Variants in KCNT2 observed in about 807,000 individuals in gnomAD.
The protein encoded by KCNT2 is potassium sodium-activated channel subfamily T member 2.
A neutral mutation model predicts 153.8 loss-of-function variants in KCNT2; 67 were observed. The ratio of observed to expected loss-of-function variants is 0.44; its 90% CI spans 0.36 to 0.53. KCNT2 has a LOEUF of 0.53. Among genes scored for constraint, KCNT2 ranks in the 20% least tolerant of loss-of-function variants. The pLI, the probability that KCNT2 is intolerant of heterozygous loss-of-function variation, is 0.00. For synonymous variants in KCNT2, 500 were observed against 458.8 expected, an observed-to-expected ratio of 1.09 and a Z score of -1.15; for missense variants, 975 against 1,354.8, an observed-to-expected ratio of 0.72 and a Z score of 4.40.
At chr1:196,572,291 T>A (rs1041539110) in intron 1 of KCNT2, among the ~76,000 whole-genome samples, 6 of 152,150 alleles carry the variant, frequency 3.9e-5, no homozygotes, top group Non-Finnish European at 7.4e-5. Flanking sequence ...TGGCATAAGA[T>A]CCTCCAGCTC....
chr1:196,334,909 G>T (rs972266423), intron 16 of KCNT2, among the ~76,000 whole-genome samples: 2 of 152,006 alleles, frequency 1.3e-5, no homozygotes, highest in African/African-American at 4.8e-5. Flanking sequence ...ATACAATAAG[G>T]AGCACACAAG....
intron 26 of KCNT2, among the ~76,000 whole-genome samples, chr1:196,256,162 G>A (rs1398544149): frequency 1.3e-5 from 2 of 151,776 alleles, no homozygotes; most frequent in African/African-American, 4.8e-5. Flanking sequence ...ATTATTCCAT[G>A]ATCATAAAGC....
intron 22 of KCNT2, among the ~76,000 whole-genome samples, chr1:196,304,957 C>T (rs1172975183): frequency 1.3e-5 from 2 of 152,090 alleles, no homozygotes; most frequent in Non-Finnish European, 2.9e-5. Context: ...TGAGTATACA[C>T]ATTTCTGTTG....
chr1:196,450,830 GTAAA>G (rs1676097065), intron 8 of KCNT2, among the ~76,000 whole-genome samples: 1 of 151,816 alleles, frequency 6.6e-6, no homozygotes, highest in African/African-American at 2.4e-5. Context: ...CTTCAAATAA[GTAAA>G]TAAAGCTTCT....
chr1:196,550,558 T>C (rs1396647561), intron 1 of KCNT2, among the ~76,000 whole-genome samples: 2 of 151,922 alleles, frequency 1.3e-5, no homozygotes, highest in Non-Finnish European at 2.9e-5. Flanking sequence ...TCTCTTATGT[T>C]AACATACAGG....
intron 1 of KCNT2, among the ~76,000 whole-genome samples, chr1:196,537,463 T>C (rs1655740236): frequency 6.6e-6 from 1 of 152,146 alleles, no homozygotes; most frequent in African/African-American, 2.4e-5. Context: ...CCAGAATGTA[T>C]CTGCACTATT....
At chr1:196,574,250 TG>T (rs1007234563) in intron 1 of KCNT2, among the ~76,000 whole-genome samples, 10 of 151,982 alleles carry the variant, frequency 6.6e-5, no homozygotes, top group African/African-American at 2.4e-4. Flanking sequence ...TGAAATTTTG[TG>T]TCTTATTGTA....
intron 14 of KCNT2, among the ~76,000 whole-genome samples, chr1:196,359,995 T>C (rs1036648718): frequency 1.3e-5 from 2 of 152,034 alleles, no homozygotes; most frequent in Non-Finnish European, 2.9e-5. Context: ...TTTCCAAGCA[T>C]GGGACTGCCA....
chr1:196,461,810 A>G (rs947294248), intron 8 of KCNT2, among the ~76,000 whole-genome samples: 11 of 151,708 alleles, frequency 7.3e-5, no homozygotes, highest in Non-Finnish European at 1.3e-4. Context: ...AGAGTGGGTC[A>G]GCACAGCAGC....
At chr1:196,520,530 A>G (rs1653225307) in intron 1 of KCNT2, among the ~76,000 whole-genome samples, 1 of 151,982 alleles carries the variant, frequency 6.6e-6, no homozygotes. Flanking sequence ...CTGTTTGTAG[A>G]TGACATGATT....
At chr1:196,360,771 C>T (rs762517561) in intron 14 of KCNT2, among the ~76,000 whole-genome samples, 13 of 151,972 alleles carry the variant, frequency 8.6e-5, no homozygotes, top group Non-Finnish European at 1.5e-4. Flanking sequence ...ACATTGATCT[C>T]GGACTCCTAG....
intron 22 of KCNT2, among the ~76,000 whole-genome samples, chr1:196,296,997 G>C (rs915519794): frequency 6.6e-5 from 10 of 151,908 alleles, no homozygotes; most frequent in South Asian, 2.1e-4. Flanking sequence ...ATTTCAAAAA[G>C]AAAGCACACC....
intron 21 of KCNT2, among the ~76,000 whole-genome samples, chr1:196,311,502 G>A (rs573087397): frequency 1.3e-5 from 2 of 151,862 alleles, no homozygotes; most frequent in Non-Finnish European, 2.9e-5. Context: ...AGTGTGGTCA[G>A]CTAAAGTTCA....
chr1:196,235,600 T>A (rs1654360591), intron 27 of KCNT2, among the ~76,000 whole-genome samples: 1 of 151,420 alleles, frequency 6.6e-6, no homozygotes, highest in Admixed American at 6.6e-5. Context: ...CCCATAGAAC[T>A]TTTTCTATTA....
chr1:196,302,822 ATTAACT>A (rs1268130916), intron 22 of KCNT2, among the ~76,000 whole-genome samples: 2 of 152,056 alleles, frequency 1.3e-5, no homozygotes, highest in African/African-American at 2.4e-5. Flanking sequence ...AGTTTCTGAA[ATTAACT>A]TTAACATAAT....
chr1:196,516,497 C>T (rs2148812582), intron 1 of KCNT2, among the ~76,000 whole-genome samples: 1 of 152,280 alleles, frequency 6.6e-6, no homozygotes, highest in Non-Finnish European at 1.5e-5. Flanking sequence ...GGACTGAGCT[C>T]CCAGAGGGTG....
intron 13 of KCNT2, among the ~76,000 whole-genome samples, chr1:196,380,017 T>TAA (rs1399401498): frequency 1.3e-5 from 2 of 152,204 alleles, no homozygotes; most frequent in Non-Finnish European, 2.9e-5. Context: ...AGTATACTTT[T>TAA]AAAACGTAAG....
chr1:196,349,826 T>C (rs1179124125), intron 14 of KCNT2, among the ~76,000 whole-genome samples: 4 of 152,040 alleles, frequency 2.6e-5, no homozygotes, highest in African/African-American at 9.7e-5. Context: ...CATTTAGCAT[T>C]AGGTATATCT....
At chr1:196,374,847 A>T (rs1668820869) in intron 13 of KCNT2, among the ~76,000 whole-genome samples, 1 of 151,868 alleles carries the variant, frequency 6.6e-6, no homozygotes, top group African/African-American at 2.4e-5. Context: ...AAAAATTAGA[A>T]CAGATGATCT....
Sources: gnomAD v4.1 joint callset for allele counts (sites outside exome capture counted in the v4.1 genomes callset) on GRCh38, gnomAD v4.1.1 for gene constraint, MANE v1.5 for transcripts, NCBI Gene and HGNC (gene_info 2026-07-23, HGNC 2026-07-21) for gene names.